The following BFSP2 variants were observed in gnomAD, a reference collection of about 807,000 sequenced individuals.
BFSP2 encodes beaded filament structural protein 2, also known as phakinin.
In BFSP2, 38 loss-of-function variants were observed where a neutral mutation model predicts 44.9. That is an observed-to-expected ratio of 0.85 (90% CI 0.65 to 1.11). The LOEUF (loss-of-function observed/expected upper bound fraction) is 1.11, where lower values mean the gene tolerates loss of function less well. BFSP2 is among the 50% of genes least tolerant of loss of function. The pLI is 0.00. For missense variants in BFSP2, 525 were observed against 533.0 expected, an observed-to-expected ratio of 0.99 and a Z score of 0.15; for synonymous variants, 197 against 209.9, an observed-to-expected ratio of 0.94 and a Z score of 0.53.
Position 133,466,888 on chromosome 3 carries a change from A to G in BFSP2, c.952A>G (p.Arg318Gly). 1 of 1,614,002 alleles carries G rather than the reference A, an allele frequency of 6.2e-7. No homozygotes were observed. ...TQEEKLAAAL[R>G]VELHNTSCQV... ...GGAGGAGAAGCTGGCAGCTGCCCTC[A>G]GGGTGGAGTTACACAACACTTCGTG... is the stretch of plus-strand genomic sequence containing the variant. The change falls in exon 5 of 7, where the codon AGG becomes GGG. Residue 318 changes from arginine (R) to glycine (G), a missense_variant. Arg to Gly is a moderately radical substitution (Grantham distance 125). Transcript: ENST00000302334.
intron 1 of BFSP2, among the ~76,000 whole-genome samples, chr3:133,413,540 C>CA (rs2073476510): frequency 6.6e-6 from 1 of 152,056 alleles, no homozygotes; most frequent in Non-Finnish European, 1.5e-5. Flanking sequence ...TCAGGGTCCC[C>CA]AGCGCTCTCC....
At chr3:133,446,585 T>C in intron 1 of BFSP2, among the ~76,000 whole-genome samples, 1 of 10,102 alleles carries the variant, frequency 9.9e-5, no homozygotes, top group Non-Finnish European at 2.3e-4. Flanking sequence ...TATATATATA[T>C]ATATATATAT....
At chr3:133,416,436 G>A (rs1708371) in intron 1 of BFSP2, among the ~76,000 whole-genome samples, 136,447 of 136,944 alleles carry the variant, frequency 1, 67,975 homozygotes, top group South Asian at 1. Context: ...CAACCCTGTC[G>A]TCTCCCCTCT....
chr3:133,468,225 G>C (rs973923248), intron 5 of BFSP2, among the ~76,000 whole-genome samples: 6 of 152,190 alleles, frequency 3.9e-5, no homozygotes, highest in African/African-American at 1.4e-4. Flanking sequence ...CAAATGTGAG[G>C]GAGGGGCAGA....
intron 4 of BFSP2, among the ~76,000 whole-genome samples, chr3:133,465,940 C>T (rs1288943045): frequency 2.6e-5 from 4 of 152,160 alleles, no homozygotes; most frequent in African/African-American, 9.7e-5. Flanking sequence ...AGACTAGAAA[C>T]AATCTGAGTG....
intron 1 of BFSP2, among the ~76,000 whole-genome samples, chr3:133,432,513 C>T (rs2073733153): frequency 1.3e-5 from 2 of 152,122 alleles, no homozygotes; most frequent in African/African-American, 2.4e-5. Context: ...ATTACTTCAG[C>T]CAAGCTCTTT....
chr3:133,431,717 T>C (rs906231226), intron 1 of BFSP2, among the ~76,000 whole-genome samples: 7 of 152,096 alleles, frequency 4.6e-5, no homozygotes, highest in African/African-American at 1.2e-4. Context: ...CCACTCCACA[T>C]TACCTTCTTT....
chr3:133,450,143 G>A (rs1427347004), intron 3 of BFSP2, among the ~76,000 whole-genome samples, 160 bp from the exon 4 acceptor site: 1 of 152,232 alleles, frequency 6.6e-6, no homozygotes, highest in East Asian at 1.9e-4. Context: ...CACTTACGCT[G>A]GGAAGAAGGT....
intron 1 of BFSP2, among the ~76,000 whole-genome samples, chr3:133,420,690 G>A (rs117918457): frequency 3.3e-5 from 5 of 152,306 alleles, no homozygotes; most frequent in East Asian, 1.9e-4. Flanking sequence ...GAGTCAGAAC[G>A]GAGGTGCAAG....
chr3:133,422,800 G>GGTGTTGCCAAATGGCCC (rs2073605212), intron 1 of BFSP2, among the ~76,000 whole-genome samples: 1 of 152,252 alleles, frequency 6.6e-6, no homozygotes, highest in Non-Finnish European at 1.5e-5. Flanking sequence ...CCAAATAGCA[G>GGTGTTGCCAAATGGCCC]GGTAGGGAGA....
rs574643550 is a variant in BFSP2, at chr3:133,424,916, G to A, written c.490-22401G>A. ...TCCCAAAGTGCTGGATTACAGGCGT[G>A]AGCCACCATGCCTGGCCTGGTTCTG... is the stretch of plus-strand genomic sequence containing the variant. On this transcript the variant is annotated intron_variant, in intron 1 of 6. Coordinates refer to ENST00000302334, the MANE Select transcript of BFSP2 (RefSeq NM_003571.4). Among the ~76,000 whole-genome samples the A allele has an allele frequency of 3.3e-5, 5 of 152,360 alleles. No homozygotes were observed. The South Asian group carries it at 8.3e-4, about 25-fold the overall frequency.
intron 1 of BFSP2, among the ~76,000 whole-genome samples, chr3:133,436,034 T>C (rs2073777896): frequency 6.6e-6 from 1 of 152,204 alleles, no homozygotes; most frequent in Non-Finnish European, 1.5e-5. Context: ...TGTTCAGATA[T>C]AAGAACTTAG....
intron 1 of BFSP2, among the ~76,000 whole-genome samples, chr3:133,441,416 AC>A (rs913128764): frequency 1.3e-5 from 2 of 152,206 alleles, no homozygotes; most frequent in African/African-American, 4.8e-5. Flanking sequence ...CCAGGTAACA[AC>A]TATCAGGTTA....
At chr3:133,448,360 C>T (rs2107923933) in intron 2 of BFSP2, 129 bp from the exon 3 acceptor site, 1 of 1,198,930 alleles carries the variant, frequency 8.3e-7, no homozygotes, top group East Asian at 2.5e-5. Context: ...GCCCTCAAAT[C>T]TATTGAAACA....
intron 4 of BFSP2, among the ~76,000 whole-genome samples, chr3:133,459,048 T>C (rs2074038592): frequency 6.6e-6 from 1 of 152,122 alleles, no homozygotes; most frequent in Non-Finnish European, 1.5e-5. Context: ...CCATAAAAAG[T>C]GTAAGGACTG....
chr3:133,451,069 C>T (rs550263287), intron 4 of BFSP2, among the ~76,000 whole-genome samples: 236 of 145,422 alleles, frequency 1.6e-3, no homozygotes, highest in Admixed American at 3.6e-3. Context: ...CAAGATTGGG[C>T]CACTGCACTC....
intron 1 of BFSP2, among the ~76,000 whole-genome samples, chr3:133,418,090 G>A (rs1323565370): frequency 1.4e-4 from 5 of 34,710 alleles, no homozygotes; most frequent in South Asian, 1.1e-3. Context: ...ATGCCCTCTC[G>A]CCTTAACTCA....
intron 1 of BFSP2, among the ~76,000 whole-genome samples, chr3:133,422,034 G>A (rs1297293031): frequency 6.8e-6 from 1 of 147,570 alleles, no homozygotes; most frequent in Non-Finnish European, 1.5e-5. Flanking sequence ...TTGAAACCGG[G>A]AGGCAGAGGT....
intron 5 of BFSP2, among the ~76,000 whole-genome samples, chr3:133,467,801 G>T (rs2074125982): frequency 6.6e-6 from 1 of 152,158 alleles, no homozygotes; most frequent in Admixed American, 6.5e-5. Context: ...GTTGGTCCAT[G>T]TAATCCTTGT....
Sources: gnomAD v4.1 joint callset for allele counts (sites outside exome capture counted in the v4.1 genomes callset) on GRCh38, gnomAD v4.1.1 for gene constraint, MANE v1.5 for transcripts, NCBI Gene and HGNC (gene_info 2026-07-23, HGNC 2026-07-21) for gene names.